The following GRXCR1 variants were observed in gnomAD, a reference collection of about 807,000 sequenced individuals.
GRXCR1 encodes glutaredoxin and cysteine rich domain containing 1, also known as glutaredoxin domain-containing cysteine-rich protein 1.
GRXCR1 carries 27 observed loss-of-function variants against 27.3 expected under a neutral mutation model. That is an observed-to-expected ratio of 0.99 (90% CI 0.73 to 1.37). GRXCR1 has a LOEUF of 1.37. Ranked by LOEUF, GRXCR1 falls within the 40% of genes most tolerant of loss-of-function variation. The probability of loss-of-function intolerance (pLI) is 0.00; values close to 1 mark genes in which losing one functional copy is unlikely to be tolerated. For synonymous variants in GRXCR1, 122 were observed against 131.1 expected, an observed-to-expected ratio of 0.93 and a Z score of 0.47; for missense variants, 379 against 354.4, an observed-to-expected ratio of 1.07 and a Z score of -0.56.
At chr4:42,900,949 G>A (rs962307371) in intron 1 of GRXCR1, among the ~76,000 whole-genome samples, 20 of 152,150 alleles carry the variant, frequency 1.3e-4, no homozygotes, top group African/African-American at 4.8e-4. Context: ...AGGTTCACAT[G>A]CCCTCTCATG....
At chr4:43,022,742 A>C (rs1019247802) in intron 3 of GRXCR1, among the ~76,000 whole-genome samples, 1 of 152,186 alleles carries the variant, frequency 6.6e-6, no homozygotes, top group Non-Finnish European at 1.5e-5. Flanking sequence ...AGGATAAGGG[A>C]TACAAAATAC....
intron 1 of GRXCR1, among the ~76,000 whole-genome samples, chr4:42,909,080 G>A (rs1185025233): frequency 1.3e-5 from 2 of 152,170 alleles, no homozygotes; most frequent in Non-Finnish European, 2.9e-5. Flanking sequence ...CTGAACAGGA[G>A]AATCACAACT....
At chr4:43,017,998 C>T (rs1176186554) in intron 2 of GRXCR1, among the ~76,000 whole-genome samples, 2 of 152,120 alleles carry the variant, frequency 1.3e-5, no homozygotes, top group Non-Finnish European at 2.9e-5. Context: ...GTAATATTTC[C>T]CTGAAATGTG....
At chr4:42,915,234 T>A (rs1281706069) in intron 1 of GRXCR1, among the ~76,000 whole-genome samples, 1 of 152,098 alleles carries the variant, frequency 6.6e-6, no homozygotes, top group East Asian at 1.9e-4. Flanking sequence ...TTTGATCCAA[T>A]GTACAGCTTG....
At chr4:42,914,611 G>A (rs529526576) in intron 1 of GRXCR1, among the ~76,000 whole-genome samples, 2 of 152,190 alleles carry the variant, frequency 1.3e-5, no homozygotes, top group Non-Finnish European at 2.9e-5. Flanking sequence ...TTTGAGTTAA[G>A]ACTTTAGGGG....
At chr4:42,926,204 G>C (rs1007553246) in intron 1 of GRXCR1, among the ~76,000 whole-genome samples, 1 of 151,994 alleles carries the variant, frequency 6.6e-6, no homozygotes, top group Non-Finnish European at 1.5e-5. Context: ...GAATTTGGCA[G>C]TTCTAAGAGA....
At chr4:43,010,166 C>T (rs1415373346) in intron 2 of GRXCR1, among the ~76,000 whole-genome samples, 1 of 152,084 alleles carries the variant, frequency 6.6e-6, no homozygotes, top group African/African-American at 2.4e-5. Flanking sequence ...CTTTGGGAGG[C>T]CAAGATGGGT....
At chr4:43,001,466 AGTTATGT>A (rs1313237153) in intron 2 of GRXCR1, among the ~76,000 whole-genome samples, 2 of 152,126 alleles carry the variant, frequency 1.3e-5, no homozygotes, top group African/African-American at 4.8e-5. Flanking sequence ...AATCAGTGAC[AGTTATGT>A]GTTCTTCACT....
chr4:43,029,824 A>C (rs1057483211), intron 3 of GRXCR1, among the ~76,000 whole-genome samples: 7 of 152,214 alleles, frequency 4.6e-5, no homozygotes, highest in African/African-American at 1.7e-4. Context: ...ATTCTATACA[A>C]AAATGCATTT....
At chr4:43,006,424 C>A (rs1258419000) in intron 2 of GRXCR1, among the ~76,000 whole-genome samples, 1 of 152,134 alleles carries the variant, frequency 6.6e-6, no homozygotes, top group Non-Finnish European at 1.5e-5. Context: ...CATGGAACAT[C>A]CCTGGGAAAG....
At chr4:42,933,042 T>C (rs1397599173) in intron 1 of GRXCR1, among the ~76,000 whole-genome samples, 1 of 152,082 alleles carries the variant, frequency 6.6e-6, no homozygotes, top group South Asian at 2.1e-4. Context: ...CTATTGGACC[T>C]GTGCTTCATG....
intron 3 of GRXCR1, 47 bp downstream of exon 3, chr4:43,020,466 C>CACATTATAA (rs1560690635): frequency 8.7e-7 from 1 of 1,143,372 alleles, no homozygotes; most frequent in Non-Finnish European, 1.3e-6. Context: ...AAATATTAAA[C>CACATTATAA]ACATTCTGAT....
intron 1 of GRXCR1, among the ~76,000 whole-genome samples, chr4:42,947,957 C>T (rs1464439460): frequency 1.3e-5 from 2 of 152,160 alleles, no homozygotes; most frequent in African/African-American, 4.8e-5. Context: ...ATGTGCTTCA[C>T]AATTTAGGTG....
intron 2 of GRXCR1, among the ~76,000 whole-genome samples, chr4:42,964,575 C>A (rs1748197119): frequency 6.6e-6 from 1 of 151,948 alleles, no homozygotes; most frequent in Non-Finnish European, 1.5e-5. Context: ...CCCTGTTTTG[C>A]AAAAGAAAAC....
chr4:42,896,803 G>A lies in GRXCR1; in HGVS notation c.384+3153G>A, dbSNP rs180891911. 3.2e-3 allele frequency among the ~76,000 whole-genome samples: 494 copies of A among 152,162 alleles called. 3 individuals carry two copies. Among genetic ancestry groups the A allele is most frequent in the Middle Eastern group, 0.01 (3 of 294 alleles). ...AATATTTAATAAAGAAAATGAATGAGATATGCAATGACTTGTTATTCATTC... is the reference window on the plus strand; with the variant it reads ...AATATTTAATAAAGAAAATGAATGAAATATGCAATGACTTGTTATTCATTC... On this transcript the variant is annotated intron_variant, in intron 1 of 3. Transcript: ENST00000399770.
intron 1 of GRXCR1, among the ~76,000 whole-genome samples, chr4:42,948,360 T>G (rs1747796678): frequency 1.3e-5 from 2 of 152,150 alleles, no homozygotes. Flanking sequence ...TTCTTTTTTA[T>G]GCCCTTTCCA....
chr4:42,933,775 G>C (rs1747388319), intron 1 of GRXCR1, among the ~76,000 whole-genome samples: 1 of 151,900 alleles, frequency 6.6e-6, no homozygotes, highest in Non-Finnish European at 1.5e-5. Context: ...AAATCTAGTA[G>C]AGCTTTTATC....
chr4:42,974,074 C>G (rs1748449851), intron 2 of GRXCR1, among the ~76,000 whole-genome samples: 1 of 152,078 alleles, frequency 6.6e-6, no homozygotes, highest in Non-Finnish European at 1.5e-5. Context: ...TGCACTGAGA[C>G]AGCAGGGTTT....
chr4:42,945,213 G>C (rs938814811), intron 1 of GRXCR1, among the ~76,000 whole-genome samples: 7 of 152,144 alleles, frequency 4.6e-5, no homozygotes, highest in African/African-American at 9.7e-5. Flanking sequence ...CTCCAGAACT[G>C]TGAGAAATAA....
Sources: allele counts gnomAD v4.1 joint callset (sites outside exome capture counted in the v4.1 genomes callset), GRCh38; gene constraint gnomAD v4.1.1; transcripts MANE v1.5; gene names NCBI Gene and HGNC (gene_info 2026-07-23, HGNC 2026-07-21).